The following PLAG1 variants were observed in gnomAD, a reference collection of about 807,000 sequenced individuals.
PLAG1 encodes zinc finger protein PLAG1.
Under a neutral mutation model 35.5 loss-of-function variants are expected in PLAG1, and 7 were observed. The observed-to-expected ratio is 0.20, with a 90% CI of 0.11 to 0.37. The LOEUF is 0.37. Ranked by LOEUF, PLAG1 falls within the 10% of genes least tolerant of loss-of-function variation. The probability of loss-of-function intolerance (pLI) is 1.00; values close to 1 mark genes in which losing one functional copy is unlikely to be tolerated. For synonymous variants in PLAG1, 229 were observed against 225.4 expected, an observed-to-expected ratio of 1.02 and a Z score of -0.14; for missense variants, 454 against 602.8, an observed-to-expected ratio of 0.75 and a Z score of 2.58.
chr8:56,197,436 C>G (rs1812412968), intron 1 of PLAG1, among the ~76,000 whole-genome samples: 1 of 152,230 alleles, frequency 6.6e-6, no homozygotes, highest in Admixed American at 6.5e-5. Flanking sequence ...CGTGCAGTGT[C>G]TTTCCCCACT....
chr8:56,176,723 G>T (rs187399841), intron 2 of PLAG1, among the ~76,000 whole-genome samples: 6 of 151,590 alleles, frequency 4.0e-5, no homozygotes, highest in African/African-American at 1.5e-4. Flanking sequence ...TGATTACAAA[G>T]TAGGTAGCCC....
intron 1 of PLAG1, among the ~76,000 whole-genome samples, chr8:56,194,230 T>A (rs964414421): frequency 1.4e-5 from 2 of 146,428 alleles, no homozygotes; most frequent in African/African-American, 5.1e-5. Context: ...GGCAAGAGAA[T>A]CACTTGAACC....
intron 1 of PLAG1, among the ~76,000 whole-genome samples, chr8:56,183,686 C>T (rs1347313981): frequency 6.6e-6 from 1 of 152,052 alleles, no homozygotes; most frequent in African/African-American, 2.4e-5. Flanking sequence ...AATGTCTTTA[C>T]AATCTTTACA....
At chr8:56,208,796 C>G (rs2129236619) in intron 1 of PLAG1, among the ~76,000 whole-genome samples, 1 of 152,100 alleles carries the variant, frequency 6.6e-6, no homozygotes, top group African/African-American at 2.4e-5. Flanking sequence ...ACATAAGAGC[C>G]GATAGTAGTT....
At chr8:56,175,606 A>AT (rs1811662356) in intron 2 of PLAG1, among the ~76,000 whole-genome samples, 2 of 152,294 alleles carry the variant, frequency 1.3e-5, no homozygotes, top group East Asian at 3.9e-4. Flanking sequence ...TTTTTAACTC[A>AT]TTTTGAGCAA....
At chr8:56,186,975 C>A (rs1378205370) in intron 1 of PLAG1, among the ~76,000 whole-genome samples, 2 of 152,192 alleles carry the variant, frequency 1.3e-5, no homozygotes, top group African/African-American at 4.8e-5. Context: ...CTCAGCCTCC[C>A]AAAGTGTTGG....
intron 2 of PLAG1, among the ~76,000 whole-genome samples, chr8:56,173,454 C>T (rs1015593592): frequency 2.0e-5 from 3 of 151,862 alleles, no homozygotes; most frequent in African/African-American, 7.3e-5. Context: ...TTTATGTAAT[C>T]CTAACTGAAA....
rs371494209 is a variant in PLAG1 at position 56,171,832 on chromosome 8, G to C, written c.-216-643C>G. On this transcript the variant is annotated intron_variant, in intron 2 of 4. Coordinates refer to ENST00000316981, the MANE Select transcript of PLAG1 (RefSeq NM_002655.3). ...ACAGAAGAAAGGGGTGTTAGGAAGA[G>C]AGCATCATTTGGTTTAAGAGGTCAT... Among the ~76,000 whole-genome samples, 417 of 152,370 alleles carry C rather than the reference G, an allele frequency of 2.7e-3. 3 individuals carry two copies. The highest frequency in any genetic ancestry group is 9.5e-3 in the African/African-American group (394 of 41,588).
At chr8:56,194,993 T>C (rs1812314955) in intron 1 of PLAG1, among the ~76,000 whole-genome samples, 1 of 151,746 alleles carries the variant, frequency 6.6e-6, no homozygotes, top group African/African-American at 2.4e-5. Context: ...GCAAATAAGG[T>C]GGGTGGTGAG....
At chr8:56,183,872 T>C (rs561788316) in intron 1 of PLAG1, among the ~76,000 whole-genome samples, 3 of 152,222 alleles carry the variant, frequency 2.0e-5, no homozygotes, top group South Asian at 4.1e-4. Context: ...CCTAAAACTA[T>C]AAAACTTCTG....
Position 56,161,635 on chromosome 8 carries a change from T to A in PLAG1, c.*4608A>T. 4.4e-6 allele frequency: 1 copy of A among 227,710 alleles called. No individual in the cohort carries two copies. The highest frequency in any genetic ancestry group is 6.3e-5 in the East Asian group (1 of 15,882). 14.1% of individuals were successfully genotyped at this position (227,710 alleles called of 1,614,324 possible). ...CCTTTTGCAAGTGCACATGAATACATTGTGGTGGTGTAAAAGTTTGTTAAT... is the reference window on the plus strand; with the variant it reads ...CCTTTTGCAAGTGCACATGAATACAATGTGGTGGTGTAAAAGTTTGTTAAT... On this transcript the variant is annotated 3_prime_UTR_variant, in exon 5 of 5. Transcript: ENST00000316981.
At chr8:56,174,485 A>G (rs1049801214) in intron 2 of PLAG1, among the ~76,000 whole-genome samples, 10 of 152,240 alleles carry the variant, frequency 6.6e-5, no homozygotes, top group African/African-American at 2.2e-4. Flanking sequence ...GAAAAAAACT[A>G]TCTTATAAAA....
chr8:56,198,347 C>G (rs888338963), intron 1 of PLAG1, among the ~76,000 whole-genome samples: 25 of 152,178 alleles, frequency 1.6e-4, no homozygotes, highest in Non-Finnish European at 3.2e-4. Context: ...ACAGCTGAGG[C>G]AGGCAGGCTG....
At chr8:56,182,432 C>A (rs1235538897) in intron 1 of PLAG1, among the ~76,000 whole-genome samples, 1 of 152,014 alleles carries the variant, frequency 6.6e-6, no homozygotes, top group Non-Finnish European at 1.5e-5. Flanking sequence ...GCAAAATCAG[C>A]TAATTTAAGG....
chr8:56,176,610 G>A (rs933661746), intron 2 of PLAG1, among the ~76,000 whole-genome samples: 1 of 151,810 alleles, frequency 6.6e-6, no homozygotes, highest in African/African-American at 2.4e-5. Flanking sequence ...AATTATATCT[G>A]AATGCAAAGT....
chr8:56,198,139 C>T (rs1812438683), intron 1 of PLAG1, among the ~76,000 whole-genome samples: 1 of 152,212 alleles, frequency 6.6e-6, no homozygotes, highest in African/African-American at 2.4e-5. Flanking sequence ...TCTGGACTGC[C>T]CCTGAAAACA....
chr8:56,181,617 T>C (rs923170417), intron 1 of PLAG1, among the ~76,000 whole-genome samples: 1 of 152,060 alleles, frequency 6.6e-6, no homozygotes, highest in Admixed American at 6.6e-5. Flanking sequence ...AAATACCTAA[T>C]ATAGATGACG....
intron 1 of PLAG1, 21 bp downstream of exon 1, chr8:56,211,100 C>G (rs1812896784): frequency 6.5e-6 from 1 of 152,764 alleles, no homozygotes; most frequent in Non-Finnish European, 1.5e-5. Context: ...CGCCGCCGCC[C>G]CGGACCCCCG....
At chr8:56,173,221 C>T (rs1394381562) in intron 2 of PLAG1, among the ~76,000 whole-genome samples, 1 of 152,042 alleles carries the variant, frequency 6.6e-6, no homozygotes, top group Non-Finnish European at 1.5e-5. Context: ...AGAAATCACC[C>T]ATTCTATGTA....
Sources: allele counts gnomAD v4.1 joint callset (sites outside exome capture counted in the v4.1 genomes callset), GRCh38; gene constraint gnomAD v4.1.1; transcripts MANE v1.5; gene names NCBI Gene and HGNC (gene_info 2026-07-23, HGNC 2026-07-21).